Variants in PTPN4 observed in about 807,000 individuals in gnomAD.
PTPN4 encodes the protein protein tyrosine phosphatase non-receptor type 4, also known as tyrosine-protein phosphatase non-receptor type 4.
In PTPN4, 49 loss-of-function variants were observed where a neutral mutation model predicts 135.5. That is an observed-to-expected ratio of 0.36 (90% CI 0.29 to 0.46). The LOEUF (loss-of-function observed/expected upper bound fraction) is 0.46, where lower values mean the gene tolerates loss of function less well. Among genes scored for constraint, PTPN4 ranks in the 20% least tolerant of loss-of-function variants. The pLI is 1.00. For synonymous variants in PTPN4, 333 were observed against 369.9 expected (o/e 0.90, Z 1.14); for missense variants, 860 against 1,101.0 (o/e 0.78, Z 3.10).
At chr2:119,884,521 G>A (rs1678127161) in intron 8 of PTPN4, among the ~76,000 whole-genome samples, 1 of 152,144 alleles carries the variant, frequency 6.6e-6, no homozygotes, top group Non-Finnish European at 1.5e-5. Context: ...GTTTTTAATG[G>A]ACTACCTAAT....
intron 10 of PTPN4, among the ~76,000 whole-genome samples, chr2:119,914,024 CAG>C (rs1678611725): frequency 6.6e-6 from 1 of 151,968 alleles, no homozygotes; most frequent in Admixed American, 6.6e-5. Context: ...TATTATGCCA[CAG>C]AGAGCATTCA....
intron 19 of PTPN4, among the ~76,000 whole-genome samples, chr2:119,953,755 G>T (rs1170065015): frequency 1.3e-5 from 2 of 151,956 alleles, no homozygotes; most frequent in African/African-American, 4.8e-5. Flanking sequence ...TGAGATTGAT[G>T]AATTATCCCC....
chr2:119,800,911 G>A (rs1203281633), intron 1 of PTPN4, among the ~76,000 whole-genome samples: 1 of 151,964 alleles, frequency 6.6e-6, no homozygotes, highest in African/African-American at 2.4e-5. Context: ...AGTGATCTCG[G>A]TGTCTCTACT....
chr2:119,915,352 G>A, intron 11 of PTPN4, 110 bp downstream of exon 11: 1 of 820,108 alleles, frequency 1.2e-6, no homozygotes, highest in Non-Finnish European at 1.8e-6. Flanking sequence ...TTAATACTGT[G>A]GATAACTGCC....
At chr2:119,875,034 A>G (rs918949681) in intron 3 of PTPN4, among the ~76,000 whole-genome samples, 1 of 152,180 alleles carries the variant, frequency 6.6e-6, no homozygotes. Context: ...CTATCTTGTC[A>G]TATACTTAAA....
Position 119,844,349 on chromosome 2 carries a change from ACCCC to A in PTPN4, c.139-18178_139-18175del, listed in dbSNP as rs368879771. Among the ~76,000 whole-genome samples the A allele has an allele frequency of 5.9e-4, 67 of 114,010 alleles. 3 individuals carry two copies. Among genetic ancestry groups the A allele is most frequent in the African/African-American group, 2.0e-3 (60 of 29,714 alleles). 74.8% of individuals were successfully genotyped at this position (114,010 alleles called of 152,430 possible). On this transcript the variant is annotated intron_variant, in intron 2 of 26. Coordinates refer to ENST00000263708, the MANE Select transcript of PTPN4 (RefSeq NM_002830.4). Reference sequence around the variant, plus strand: ...GGGCGGCTGGCCGGGCGGGGGGCTGACCCCCCCCCCCCACCTCCCTCCCGGACGG... The same window carrying A: ...GGGCGGCTGGCCGGGCGGGGGGCTGACCCCCCCCACCTCCCTCCCGGACGG...
At chr2:119,774,139 G>A (rs1028485315) in intron 1 of PTPN4, among the ~76,000 whole-genome samples, 2 of 152,138 alleles carry the variant, frequency 1.3e-5, no homozygotes, top group African/African-American at 4.8e-5. Context: ...TGGTTCTTGA[G>A]TATTTTTTAG....
intron 2 of PTPN4, among the ~76,000 whole-genome samples, chr2:119,845,094 C>G (rs1223548040): frequency 6.7e-6 from 1 of 149,862 alleles, no homozygotes. Flanking sequence ...CCACCAAAAC[C>G]AGTCAGGCGT....
chr2:119,849,322 A>G (rs1677555773), intron 2 of PTPN4, among the ~76,000 whole-genome samples: 1 of 152,052 alleles, frequency 6.6e-6, no homozygotes, highest in Non-Finnish European at 1.5e-5. Flanking sequence ...TGTTTTTGAG[A>G]TAGGGTGTTG....
At chr2:119,887,443 T>G (rs1427077213) in intron 9 of PTPN4, among the ~76,000 whole-genome samples, 2 of 152,202 alleles carry the variant, frequency 1.3e-5, no homozygotes, top group East Asian at 3.8e-4. Flanking sequence ...GCTATGATCA[T>G]GCCACTTCAC....
chr2:119,791,323 T>A (rs1471741922), intron 1 of PTPN4: 2 of 152,076 alleles, frequency 1.3e-5, no homozygotes, highest in African/African-American at 2.4e-5. Context: ...AGAGATGGGG[T>A]TTCACCATGT....
At chr2:119,777,481 T>G (rs1277555008) in intron 1 of PTPN4, among the ~76,000 whole-genome samples, 1 of 152,220 alleles carries the variant, frequency 6.6e-6, no homozygotes, top group Non-Finnish European at 1.5e-5. Flanking sequence ...TTTGTCGATA[T>G]ATTCATGTTG....
chr2:119,964,729 T>A (rs1056063133), intron 24 of PTPN4, among the ~76,000 whole-genome samples: 1 of 152,252 alleles, frequency 6.6e-6, no homozygotes, highest in East Asian at 1.9e-4. Context: ...CAACTATTTC[T>A]GTAAAATAGT....
intron 9 of PTPN4, among the ~76,000 whole-genome samples, chr2:119,895,339 T>G (rs1371641657): frequency 6.6e-6 from 1 of 152,218 alleles, no homozygotes; most frequent in Non-Finnish European, 1.5e-5. Context: ...AACATTTAAG[T>G]ACCCTAGGTA....
At chr2:119,899,266 T>C (rs946167813) in intron 9 of PTPN4, among the ~76,000 whole-genome samples, 2 of 152,226 alleles carry the variant, frequency 1.3e-5, no homozygotes, top group African/African-American at 2.4e-5. Context: ...ATTATGGGAC[T>C]GTTCGGAGTT....
intron 2 of PTPN4, among the ~76,000 whole-genome samples, chr2:119,832,959 C>A (rs1470857048): frequency 6.6e-6 from 1 of 152,154 alleles, no homozygotes; most frequent in Non-Finnish European, 1.5e-5. Flanking sequence ...GTTGTTAGAA[C>A]TTCACAGGTT....
intron 7 of PTPN4, among the ~76,000 whole-genome samples, 170 bp from the exon 8 acceptor site, chr2:119,882,333 A>T (rs899048805): frequency 1.3e-5 from 2 of 152,182 alleles, no homozygotes; most frequent in African/African-American, 4.8e-5. Flanking sequence ...ATTTCCTCTG[A>T]AATTGAGACC....
rs190400236 is a variant in PTPN4 at position 119,865,616 on chromosome 2, G to C, written c.246+2973G>C. Reference sequence around the variant, plus strand: ...GTAAATGAACATATTAAGGAGAGGAGGTAACCATATAATAAAATTACTATC... The same window carrying C: ...GTAAATGAACATATTAAGGAGAGGACGTAACCATATAATAAAATTACTATC... On this transcript the variant is annotated intron_variant, in intron 3 of 26. Transcript: ENST00000263708. 4.8e-4 allele frequency among the ~76,000 whole-genome samples: 73 copies of C among 151,976 alleles called. 2 individuals carry two copies. The highest frequency in any genetic ancestry group is 4.7e-3 in the Admixed American group (72 of 15,256).
intron 1 of PTPN4, among the ~76,000 whole-genome samples, chr2:119,785,255 T>C (rs887169092): frequency 7.9e-5 from 12 of 152,316 alleles, no homozygotes; most frequent in East Asian, 1.9e-4. Flanking sequence ...CTCAAAGATA[T>C]TGATATGGAC....
Sources: allele counts gnomAD v4.1 joint callset (sites outside exome capture counted in the v4.1 genomes callset), GRCh38; gene constraint gnomAD v4.1.1; transcripts MANE v1.5; gene names NCBI Gene and HGNC (gene_info 2026-07-23, HGNC 2026-07-21).